The following FAM81A variants were observed in gnomAD, a reference collection of about 807,000 sequenced individuals.
The protein encoded by FAM81A is protein FAM81A.
Under a neutral mutation model 46.7 loss-of-function variants are expected in FAM81A, and 19 were observed. The observed-to-expected ratio is 0.41, with a 90% CI of 0.28 to 0.60. FAM81A has a LOEUF of 0.60. Among genes scored for constraint, FAM81A ranks in the 20% least tolerant of loss-of-function variants. The pLI, the probability that FAM81A is intolerant of heterozygous loss-of-function variation, is 0.34. For missense variants in FAM81A, 377 were observed against 453.5 expected, an observed-to-expected ratio of 0.83 and a Z score of 1.53; for synonymous variants, 183 against 152.9, an observed-to-expected ratio of 1.20 and a Z score of -1.45.
upstream of FAM81A, among the ~76,000 whole-genome samples, chr15:59,436,571 A>G (rs1237663946): frequency 6.6e-6 from 1 of 152,174 alleles, no homozygotes; most frequent in Non-Finnish European, 1.5e-5. Flanking sequence ...ACTCTTGGTG[A>G]TGGACTCTAG....
chr15:59,495,200 A>C (rs2082021190), intron 4 of FAM81A, among the ~76,000 whole-genome samples: 1 of 152,044 alleles, frequency 6.6e-6, no homozygotes, highest in Non-Finnish European at 1.5e-5. Context: ...ATTTTTCCCC[A>C]GCCTCCCCAG....
At chr15:59,410,711 T>C (rs1416880528) in intron 2 of FAM81A, among the ~76,000 whole-genome samples, 2 of 152,244 alleles carry the variant, frequency 1.3e-5, no homozygotes, top group African/African-American at 4.8e-5. Context: ...AATGTTGTAT[T>C]TAAACCAAGC....
chr15:59,439,119 TGTGTGTGC>T (rs1186591022), intron 1 of FAM81A: 1 of 151,808 alleles, frequency 6.6e-6, no homozygotes, highest in African/African-American at 2.4e-5. Flanking sequence ...CGCGCGTGTG[TGTGTGTGC>T]GTGTGTGCGC....
At chr15:59,441,296 C>T (rs1002365692) in intron 1 of FAM81A, among the ~76,000 whole-genome samples, 1 of 152,216 alleles carries the variant, frequency 6.6e-6, no homozygotes, top group African/African-American at 2.4e-5. Context: ...GTGGGGTCCT[C>T]GCTCTGTCCA....
At chr15:59,461,611 G>A (rs1228242834) in intron 3 of FAM81A, among the ~76,000 whole-genome samples, 1 of 152,170 alleles carries the variant, frequency 6.6e-6, no homozygotes, top group Non-Finnish European at 1.5e-5. Context: ...GTGAGCCACT[G>A]TGCCCAGCCT....
intron 2 of FAM81A, among the ~76,000 whole-genome samples, chr15:59,425,381 C>T (rs1404115201): frequency 1.3e-5 from 2 of 152,096 alleles, no homozygotes; most frequent in African/African-American, 4.8e-5. Flanking sequence ...TTTTTCATTA[C>T]CATTCATGTA....
intron 2 of FAM81A, among the ~76,000 whole-genome samples, chr15:59,424,427 C>T (rs1468927496): frequency 6.6e-6 from 1 of 152,166 alleles, no homozygotes; most frequent in Non-Finnish European, 1.5e-5. Context: ...AATCACAGGG[C>T]TTTATGTATC....
chr15:59,491,969 AAAAAAAG>A (rs1271865569), intron 3 of FAM81A, among the ~76,000 whole-genome samples: 47 of 148,552 alleles, frequency 3.2e-4, no homozygotes, highest in South Asian at 1.3e-3. Flanking sequence ...CCATCTCAAA[AAAAAAAG>A]AAAAAAGAAA....
chr15:59,510,333 C>CA lies in FAM81A; in HGVS notation c.650+1365dup, dbSNP rs557462003. Among the ~76,000 whole-genome samples the CA allele has an allele frequency of 3.1e-3, 470 of 150,198 alleles. 5 individuals carry two copies. Among genetic ancestry groups the CA allele is most frequent in the Non-Finnish European group, 3.1e-3 (210 of 67,728 alleles). ...GCAGTGAGCCGAGATCACACCACTG[C>CA]ACTCCAGCCTGGGCAATAGAATAGG... On this transcript the variant is annotated intron_variant, in intron 6 of 8. Transcript: ENST00000288228.
chr15:59,416,024 C>T (rs535303678), intron 2 of FAM81A, among the ~76,000 whole-genome samples: 1 of 152,282 alleles, frequency 6.6e-6, no homozygotes, highest in South Asian at 2.1e-4. Context: ...TTAAACAAAT[C>T]TGTTTATATG....
At position 59,404,249 on chromosome 15, in the gene FAM81A, A is replaced by G. The variant is rs189900306; in HGVS notation, c.-78+1891A>G. ...ATTCTCAGGGCAAAAAAGGAGAGGG[A>G]GACACACCTATACACGAGGCCTAAG... On this transcript the variant is annotated intron_variant, in intron 2 of 4. Coordinates refer to the FAM81A transcript ENST00000558348. Among the ~76,000 whole-genome samples, 10 of 152,196 alleles carry G rather than the reference A, an allele frequency of 6.6e-5. No individual in the cohort carries two copies. In the East Asian group the frequency reaches 1.9e-3, roughly 29 times the overall value.
chr15:59,469,967 C>G (rs1338594357), intron 3 of FAM81A, among the ~76,000 whole-genome samples: 2 of 151,694 alleles, frequency 1.3e-5, no homozygotes, highest in Non-Finnish European at 2.9e-5. Context: ...TTTCTCCTTC[C>G]CTTATGAAGC....
intron 8 of FAM81A, among the ~76,000 whole-genome samples, chr15:59,517,615 T>C (rs1477114728): frequency 6.6e-6 from 1 of 152,226 alleles, no homozygotes; most frequent in Non-Finnish European, 1.5e-5. Flanking sequence ...AATTTTCTTC[T>C]ATGAAATTGT....
At chr15:59,459,625 G>A (rs2081526162) in intron 2 of FAM81A, among the ~76,000 whole-genome samples, 1 of 152,064 alleles carries the variant, frequency 6.6e-6, no homozygotes, top group African/African-American at 2.4e-5. Context: ...AGGAGACTTT[G>A]TTAATGCACT....
At chr15:59,461,619 C>T (rs1273095644) in intron 3 of FAM81A, among the ~76,000 whole-genome samples, 2 of 152,164 alleles carry the variant, frequency 1.3e-5, no homozygotes, top group African/African-American at 4.8e-5. Context: ...CTGTGCCCAG[C>T]CTGGCCTCTC....
At chr15:59,412,165 G>A (rs1466152785) in intron 2 of FAM81A, among the ~76,000 whole-genome samples, 1 of 152,058 alleles carries the variant, frequency 6.6e-6, no homozygotes, top group African/African-American at 2.4e-5. Flanking sequence ...CTCTGAGTGG[G>A]GAGATTGTGC....
At chr15:59,519,763 TATTC>T (rs1402030954) in intron 8 of FAM81A, among the ~76,000 whole-genome samples, 1 of 152,162 alleles carries the variant, frequency 6.6e-6, no homozygotes, top group Non-Finnish European at 1.5e-5. Flanking sequence ...AGCTGAATAA[TATTC>T]ATCATTTGTA....
chr15:59,458,558 T>C lies in FAM81A; in HGVS notation c.-69T>C. 6.2e-7 allele frequency: 1 copy of C among 1,611,934 alleles called. No homozygotes were observed. Among genetic ancestry groups the C allele is most frequent in the East Asian group, 2.2e-5 (1 of 44,852 alleles). On this transcript the variant is annotated 5_prime_UTR_variant, in exon 2 of 9. Coordinates refer to ENST00000288228, the MANE Select transcript of FAM81A (RefSeq NM_152450.3). ...GCTTATTTTTTCAACAGATGTGAAT[T>C]ATTAAAAAGAAAATGGCCCAACGGA...
chr15:59,472,632 C>T (rs540842207), intron 3 of FAM81A, among the ~76,000 whole-genome samples: 49 of 151,928 alleles, frequency 3.2e-4, no homozygotes, highest in African/African-American at 1.2e-3. Flanking sequence ...CTCACTGTAG[C>T]CTCTAACTCC....
Sources: allele counts gnomAD v4.1 joint callset (sites outside exome capture counted in the v4.1 genomes callset), GRCh38; gene constraint gnomAD v4.1.1; transcripts MANE v1.5; gene names NCBI Gene and HGNC (gene_info 2026-07-23, HGNC 2026-07-21).